The following PARP14 variants were observed in gnomAD, a reference collection of about 807,000 sequenced individuals.
PARP14 encodes protein mono-ADP-ribosyltransferase PARP14.
Under a neutral mutation model 154.2 loss-of-function variants are expected in PARP14, and 59 were observed. That is an observed-to-expected ratio of 0.38 (90% CI 0.31 to 0.48). The LOEUF is 0.48. PARP14 is among the 20% of genes least tolerant of loss of function. PARP14 has a pLI of 0.98. For missense variants in PARP14, 1,734 were observed against 2,131.6 expected (o/e 0.81, Z 3.67); for synonymous variants, 720 against 780.5 (o/e 0.92, Z 1.29).
chr3:122,709,186 CT>C (rs950873248), intron 9 of PARP14, among the ~76,000 whole-genome samples: 6 of 151,982 alleles, frequency 3.9e-5, no homozygotes, highest in East Asian at 1.9e-4. Flanking sequence ...GTTATGTAGT[CT>C]TTTATCCCTC....
chr3:122,728,471 A>G lies in PARP14; in HGVS notation c.5280A>G (p.Ser1760=). Residue 1760 remains serine (S), a synonymous_variant, in exon 17 of 17, where the codon TCA becomes TCG. Coordinates refer to ENST00000474629, the MANE Select transcript of PARP14 (RefSeq NM_017554.3). ...HGNHSLIVPP[S]KNPQNPTDLY... is the part of the protein sequence containing the mutation. ...ATCATTCATTAATTGTGCCTCCTTC[A>G]AAGAACCCTCAAAATCCTACTGACC... 6.2e-7 allele frequency: 1 copy of G among 1,613,962 alleles called. No individual in the cohort carries two copies. Among genetic ancestry groups the G allele is most frequent in the Non-Finnish European group, 8.5e-7 (1 of 1,179,862 alleles).
At position 122,704,550 on chromosome 3, in the gene PARP14, A is replaced by G; in HGVS notation, c.3342A>G (p.Glu1114=). The G allele has an allele frequency of 1.2e-6, 2 of 1,600,556 alleles. No homozygotes were observed. Among genetic ancestry groups the G allele is most frequent in the African/African-American group, 1.3e-5 (1 of 74,868 alleles). Residue 1114 remains glutamate (E), a synonymous_variant, in exon 8 of 17, where the codon GAA becomes GAG. Coordinates refer to ENST00000474629, the MANE Select transcript of PARP14 (RefSeq NM_017554.3). ...AGATAATGGAAGACATAATCAGAGAATGTATGGAGATCACTGAGAGCTTGT... is the reference window on the plus strand; with the variant it reads ...AGATAATGGAAGACATAATCAGAGAGTGTATGGAGATCACTGAGAGCTTGT... ...SLKIMEDIIR[E]CMEITESLSL...
intron 3 of PARP14, among the ~76,000 whole-genome samples, chr3:122,689,279 G>A (rs991685612): frequency 7.2e-5 from 11 of 152,058 alleles, no homozygotes; most frequent in Admixed American, 2.6e-4. Context: ...GACATTTCAC[G>A]CATCACTCCT....
chr3:122,707,380 C>CAGATAAATAAAT (rs140946721), intron 8 of PARP14, among the ~76,000 whole-genome samples: 2 of 139,622 alleles, frequency 1.4e-5, no homozygotes, highest in South Asian at 2.4e-4. Flanking sequence ...GACTCCATCT[C>CAGATAAATAAAT]AAATAAATAA....
Position 122,695,512 on chromosome 3 carries a change from A to G in PARP14, c.685A>G (p.Thr229Ala). The G allele has an allele frequency of 1.2e-6, 2 of 1,610,674 alleles. No homozygotes were observed. Among genetic ancestry groups the G allele is most frequent in the Non-Finnish European group, 8.5e-7 (1 of 1,177,706 alleles). The change falls in exon 5 of 17, where the codon ACA (threonine) becomes GCA (alanine). Residue 229 changes from threonine to alanine, a missense_variant. Thr to Ala is a moderately conservative substitution (Grantham distance 58). Around this residue, in one of 2 missense-constraint regions of PARP14, gnomAD observed 1,646 missense variants for 1,976.0 expected, o/e 0.83. Transcript: ENST00000474629. ...TCCAAGACTTCTGGAAGTGACAAAC[A>G]CAATCAGGGTTGAAAACCTGCCACC... ...LSPRLLEVTNTIRVENLPPGA... is the reference protein window; with the variant it reads ...LSPRLLEVTNAIRVENLPPGA...
chr3:122,694,013 T>A (rs1363099558), intron 4 of PARP14, among the ~76,000 whole-genome samples: 7 of 152,224 alleles, frequency 4.6e-5, no homozygotes, highest in Admixed American at 2.0e-4. Context: ...GAATCTTGAA[T>A]GCTTAATATG....
At chr3:122,688,959 C>A (rs1332962502) in intron 3 of PARP14, among the ~76,000 whole-genome samples, 19 of 152,138 alleles carry the variant, frequency 1.2e-4, no homozygotes, top group Admixed American at 1.2e-3. Flanking sequence ...ATGTCCTGTT[C>A]CAGGATAAGC....
intron 15 of PARP14, among the ~76,000 whole-genome samples, chr3:122,726,362 A>T (rs1055926015): frequency 2.0e-4 from 31 of 152,146 alleles, no homozygotes; most frequent in African/African-American, 7.0e-4. Context: ...TGGGCATAGA[A>T]GTTTGGATGG....
intron 8 of PARP14, among the ~76,000 whole-genome samples, chr3:122,706,098 G>A (rs1939144125): frequency 6.6e-6 from 1 of 152,198 alleles, no homozygotes; most frequent in South Asian, 2.1e-4. Context: ...AATACAGCAT[G>A]AGTCCTGTGA....
At chr3:122,699,243 A>T (rs971843599) in intron 5 of PARP14, 147 bp from the exon 6 acceptor site, 1 of 535,104 alleles carries the variant, frequency 1.9e-6, no homozygotes, top group Non-Finnish European at 3.2e-6. Flanking sequence ...GCCACATATC[A>T]TCTTGGTCTT....
chr3:122,718,251 AAC>A lies in PARP14; in HGVS notation c.4183_4184del (p.Gln1395ValfsTer5). 6.2e-7 allele frequency: 1 copy of A among 1,613,626 alleles called. No homozygotes were observed. Among genetic ancestry groups the A allele is most frequent in the Non-Finnish European group, 8.5e-7 (1 of 1,179,710 alleles). On this transcript the variant is annotated frameshift_variant, in exon 13 of 17. Transcript: ENST00000474629. LOFTEE classifies it high-confidence loss of function. ...AGAGAAGGGACTCAGCTTTCTTCCC[AAC>A]AGTCTGTGATGTCTAAACTTGCATG...
intron 1 of PARP14, among the ~76,000 whole-genome samples, chr3:122,684,904 C>A (rs1285322631): frequency 6.6e-6 from 1 of 152,164 alleles, no homozygotes; most frequent in East Asian, 1.9e-4. Context: ...GGCACTCATA[C>A]AAAACAGTCT....
chr3:122,694,667 G>T (rs182729457), intron 4 of PARP14, among the ~76,000 whole-genome samples: 1 of 152,066 alleles, frequency 6.6e-6, no homozygotes, highest in East Asian at 1.9e-4. Context: ...CTACAGGCGC[G>T]CACAACCATG....
rs552524918 is a variant in PARP14, at chr3:122,722,959, G to A, written c.4941+2571G>A. ...TATTTTTTTTTTTTTTCCCCGAGAC[G>A]GAGTCTTGCTCTTTCACCCAGGCTG... On this transcript the variant is annotated intron_variant, in intron 15 of 16. Transcript: ENST00000474629. 4.0e-4 allele frequency among the ~76,000 whole-genome samples: 60 copies of A among 150,120 alleles called. 1 individual carries two copies. Among genetic ancestry groups the A allele is most frequent in the African/African-American group, 1.4e-3 (59 of 40,736 alleles).
chr3:122,719,227 C>T (rs751302632), intron 14 of PARP14, among the ~76,000 whole-genome samples: 8 of 152,128 alleles, frequency 5.3e-5, no homozygotes, highest in African/African-American at 1.9e-4. Flanking sequence ...TTATAAGCTT[C>T]CCAGAGCCAG....
intron 6 of PARP14, among the ~76,000 whole-genome samples, chr3:122,703,453 A>T (rs80178386): frequency 0.051 from 7,695 of 151,894 alleles, 266 homozygotes; most frequent in Middle Eastern, 0.11. Flanking sequence ...CATTTCTCAA[A>T]CCCCACATTG....
chr3:122,707,380 C>CAAATAAATAAATAAAT (rs60420136), intron 8 of PARP14, among the ~76,000 whole-genome samples: 9,666 of 139,512 alleles, frequency 0.069, 414 homozygotes, highest in Middle Eastern at 0.12. Flanking sequence ...GACTCCATCT[C>CAAATAAATAAATAAAT]AAATAAATAA....
rs1397042301 is a variant in PARP14 at position 122,704,619 on chromosome 3, G to A, written c.3411G>A (p.Leu1137=). The change falls in exon 8 of 17, where the codon TTG becomes TTA. Residue 1137 remains leucine, a synonymous_variant. Coordinates refer to ENST00000474629, the MANE Select transcript of PARP14 (RefSeq NM_017554.3). Reference sequence around the variant, plus strand: ...TTCCAGCAATAGGAACAGGAAACTTGGGATTTCCTAAAAACATATTCGCTG... The same window carrying A: ...TTCCAGCAATAGGAACAGGAAACTTAGGATTTCCTAAAAACATATTCGCTG... ...IAFPAIGTGN[L]GFPKNIFAEL... is the part of the protein sequence containing the mutation. 2 of 1,605,644 alleles carry A rather than the reference G, an allele frequency of 1.2e-6. No homozygotes were observed. Among genetic ancestry groups the A allele is most frequent in the African/African-American group, 2.7e-5 (2 of 74,794 alleles).
intron 1 of PARP14, among the ~76,000 whole-genome samples, chr3:122,682,789 C>A (rs1038981013): frequency 6.6e-4 from 100 of 152,238 alleles, no homozygotes; most frequent in African/African-American, 2.3e-3. Flanking sequence ...TGGTGGCTCA[C>A]GCCTGTTAAT....
Sources: gnomAD v4.1 joint callset for allele counts (sites outside exome capture counted in the v4.1 genomes callset) on GRCh38, gnomAD v4.1.1 for gene constraint, gnomAD v4.1.1 regional missense constraint, MANE v1.5 for transcripts, NCBI Gene and HGNC (gene_info 2026-07-23, HGNC 2026-07-21) for gene names.